Variants in IRS1 observed in about 807,000 individuals in gnomAD.
The protein encoded by IRS1 is insulin receptor substrate 1.
Under a neutral mutation model 65.6 loss-of-function variants are expected in IRS1, and 34 were observed. The observed-to-expected ratio is 0.52, with a 90% CI of 0.39 to 0.69. IRS1 has a LOEUF of 0.69. Ranked by LOEUF, IRS1 falls within the 30% of genes least tolerant of loss-of-function variation. The pLI, the probability that IRS1 is intolerant of heterozygous loss-of-function variation, is 0.00. For missense variants in IRS1, 1,641 were observed against 1,720.2 expected, an observed-to-expected ratio of 0.95 and a Z score of 0.81; for synonymous variants, 699 against 683.5, an observed-to-expected ratio of 1.02 and a Z score of -0.35.
At chr2:226,781,604 A>T (rs1939383188) in intron 1 of IRS1, among the ~76,000 whole-genome samples, 1 of 152,128 alleles carries the variant, frequency 6.6e-6, no homozygotes, top group Non-Finnish European at 1.5e-5. Flanking sequence ...TTGAAGACAC[A>T]ATAACATTCC....
At chr2:226,740,219 AT>A (rs1456672842) in intron 1 of IRS1, among the ~76,000 whole-genome samples, 29 of 152,238 alleles carry the variant, frequency 1.9e-4, no homozygotes, top group Admixed American at 1.9e-3. Flanking sequence ...CTGTCACGAG[AT>A]TTAGTAGCAG....
At chr2:226,791,654 C>A (rs1196953922) in intron 1 of IRS1, among the ~76,000 whole-genome samples, 1 of 152,012 alleles carries the variant, frequency 6.6e-6, no homozygotes, top group Non-Finnish European at 1.5e-5. Flanking sequence ...GCCACCACCG[C>A]CAGGGGACCC....
intron 1 of IRS1, among the ~76,000 whole-genome samples, chr2:226,739,233 A>G (rs1938390004): frequency 6.6e-6 from 1 of 152,196 alleles, no homozygotes; most frequent in Non-Finnish European, 1.5e-5. Context: ...CACTTGTCTC[A>G]AAAGGGAAAG....
Position 226,733,619 on chromosome 2 carries a change from G to A in IRS1, c.*2653C>T, listed in dbSNP as rs1409942301. The A allele has an allele frequency of 6.6e-6, 1 of 152,194 alleles. No individual in the cohort carries two copies. Among genetic ancestry groups the A allele is most frequent in the Non-Finnish European group, 1.5e-5 (1 of 68,040 alleles). 9.4% of individuals were successfully genotyped at this position (152,194 alleles called of 1,614,324 possible). A position where few individuals can be genotyped will look rare whatever the true frequency, so the allele number is the denominator to read the frequency against. ...CCACTAACTTCTAGGTTAACCAGAG[G>A]CCACTAGAAGCCTCAATAATGAAAG... On this transcript the variant is annotated 3_prime_UTR_variant, in exon 2 of 2. Transcript: ENST00000305123.
Position 226,799,696 on chromosome 2 carries a change from G to C in IRS1, c.-958C>G. ...CCTCCTCCTCGGAGAGTTGCCGAGA[G>C]CCCCAACCAAAACAAGCGGCGGCGT... On this transcript the variant is annotated 5_prime_UTR_variant, in exon 1 of 2. Transcript: ENST00000305123. The surrounding 1 kb of genome is among the most constrained non-coding windows in gnomAD (Gnocchi z 6.1). 1.0e-6 allele frequency: 1 copy of C among 1,000,024 alleles called. No individual in the cohort carries two copies. Among genetic ancestry groups the C allele is most frequent in the South Asian group, 4.7e-5 (1 of 21,322 alleles). The allele number at this position is 1,000,024 out of a possible 1,614,324, so 61.9% of individuals were successfully genotyped here.
chr2:226,798,864 C>G lies in IRS1; in HGVS notation c.-126G>C. 1 of 1,530,632 alleles carries G rather than the reference C, an allele frequency of 6.5e-7. No homozygotes were observed. Among genetic ancestry groups the G allele is most frequent in the Non-Finnish European group, 8.8e-7 (1 of 1,135,924 alleles). 94.8% of individuals were successfully genotyped at this position (1,530,632 alleles called of 1,614,324 possible). Reference sequence around the variant, plus strand: ...GCTGGAGGCAGCAGAAACCCCGACTCTGAAATCCACGCCGCCCCCCGCGCC... The same window carrying G: ...GCTGGAGGCAGCAGAAACCCCGACTGTGAAATCCACGCCGCCCCCCGCGCC... On this transcript the variant is annotated 5_prime_UTR_variant, in exon 1 of 2. Coordinates refer to ENST00000305123, the MANE Select transcript of IRS1 (RefSeq NM_005544.3). The surrounding 1 kb of genome is among the most constrained non-coding windows in gnomAD (Gnocchi z 9.4).
rs1314906395 is a variant in IRS1, at chr2:226,757,587, T to C, written c.*22-21337A>G. 4.6e-5 allele frequency among the ~76,000 whole-genome samples: 7 copies of C among 152,134 alleles called. No homozygotes were observed. In the South Asian group the frequency reaches 1.0e-3, roughly 23 times the overall value. On this transcript the variant is annotated intron_variant, in intron 1 of 1. Transcript: ENST00000305123. ...CCAAGGAAAGAAATAGAGTCTTGTG[T>C]CCAAAGACATTTAGGAAATATCTCC...
Position 226,749,481 on chromosome 2 carries a change from G to A in IRS1, c.*22-13231C>T, listed in dbSNP as rs143610654. 2.0e-3 allele frequency among the ~76,000 whole-genome samples: 306 copies of A among 152,276 alleles called. 1 individual carries two copies. Among genetic ancestry groups the A allele is most frequent in the Middle Eastern group, 3.4e-3 (1 of 294 alleles). On this transcript the variant is annotated intron_variant, in intron 1 of 1. Transcript: ENST00000305123. ...CCTTCCCAGGGACTCTTGAGCAGAG[G>A]TGGGAGGATTGCTAAGTCCTTGCTA...
intron 1 of IRS1, among the ~76,000 whole-genome samples, chr2:226,754,886 T>C (rs1938764103): frequency 6.6e-6 from 1 of 152,150 alleles, no homozygotes; most frequent in African/African-American, 2.4e-5. Context: ...CACGTTTTTA[T>C]CTCTTATTAT....
At chr2:226,773,528 T>G (rs1939201540) in intron 1 of IRS1, among the ~76,000 whole-genome samples, 2 of 151,608 alleles carry the variant, frequency 1.3e-5, no homozygotes, top group Admixed American at 1.3e-4. Flanking sequence ...TGAGACAATT[T>G]CGGTGAGAGA....
intron 1 of IRS1, among the ~76,000 whole-genome samples, chr2:226,752,093 G>A (rs1373427499): frequency 6.6e-6 from 1 of 152,162 alleles, no homozygotes; most frequent in East Asian, 1.9e-4. Context: ...ATTTTCTGCT[G>A]AGTATTAATT....
chr2:226,752,620 T>G (rs1938707242), intron 1 of IRS1, among the ~76,000 whole-genome samples: 1 of 152,250 alleles, frequency 6.6e-6, no homozygotes, highest in Admixed American at 6.5e-5. Context: ...AAGAGCTAAT[T>G]TCCAAACCAC....
Position 226,796,168 on chromosome 2 carries a change from C to A in IRS1, c.2571G>T (p.Arg857=), listed in dbSNP as rs1181438047. The A allele has an allele frequency of 1.2e-6, 2 of 1,613,710 alleles. No homozygotes were observed. Among genetic ancestry groups the A allele is most frequent in the East Asian group, 4.5e-5 (2 of 44,866 alleles). ...TAAQTNSRLA[R]PTRLSLGDPK... ...GATCCCCCAGGGACAGCCTCGTGGG[C>A]CGGGCCAGGCGGCTATTGGTCTGAG... The change falls in exon 1 of 2, where the codon CGG becomes CGT. Residue 857 remains arginine (R), a synonymous_variant. Transcript: ENST00000305123.
Position 226,735,722 on chromosome 2 carries a change from C to T in IRS1, c.*550G>A, listed in dbSNP as rs1428069524. 1 of 152,514 alleles carries T rather than the reference C, an allele frequency of 6.6e-6. No homozygotes were observed. Among genetic ancestry groups the T allele is most frequent in the African/African-American group, 2.4e-5 (1 of 41,422 alleles). The allele number at this position is 152,514 out of a possible 1,614,324, so 9.4% of individuals were successfully genotyped here. A position where few individuals can be genotyped will look rare whatever the true frequency, so the allele number is the denominator to read the frequency against. On this transcript the variant is annotated 3_prime_UTR_variant, in exon 2 of 2. Transcript: ENST00000305123. The stretch of plus-strand genomic sequence containing the variant: ...CTCTTTACAACAGAACATTGTATAC[C>T]TCCATCCCACATCCAAAAAAAAGAT...
At chr2:226,751,977 CAAAT>C (rs149610356) in intron 1 of IRS1, among the ~76,000 whole-genome samples, 1,697 of 152,210 alleles carry the variant, frequency 0.011, 22 homozygotes, top group African/African-American at 0.039. Context: ...GATCTCATCC[CAAAT>C]AAATGAGTAG....
chr2:226,748,748 T>C (rs1258498570), intron 1 of IRS1, among the ~76,000 whole-genome samples: 4 of 152,176 alleles, frequency 2.6e-5, no homozygotes, highest in African/African-American at 7.2e-5. Context: ...GAAGACACTT[T>C]TAGGTCTGCT....
intron 1 of IRS1, among the ~76,000 whole-genome samples, chr2:226,766,165 T>A (rs4294992): frequency 0.012 from 119 of 10,024 alleles, 2 homozygotes; most frequent in African/African-American, 0.026. Flanking sequence ...ATATATATAT[T>A]TTTTTTTTTT....
intron 1 of IRS1, among the ~76,000 whole-genome samples, chr2:226,762,499 T>C (rs1205903175): frequency 6.6e-6 from 1 of 152,194 alleles, no homozygotes; most frequent in Non-Finnish European, 1.5e-5. Flanking sequence ...AATTTTCTAA[T>C]AGGGTCAGAT....
chr2:226,782,423 G>C (rs1939401449), intron 1 of IRS1, among the ~76,000 whole-genome samples: 1 of 152,178 alleles, frequency 6.6e-6, no homozygotes, highest in Non-Finnish European at 1.5e-5. Flanking sequence ...CCAATAATCA[G>C]CAACTTTGTG....
Sources: gnomAD v4.1 joint callset for allele counts (sites outside exome capture counted in the v4.1 genomes callset) on GRCh38, gnomAD v4.1.1 for gene constraint, Gnocchi (gnomAD v3.1) non-coding constraint, MANE v1.5 for transcripts, NCBI Gene and HGNC (gene_info 2026-07-23, HGNC 2026-07-21) for gene names.